Variants in LHFPL6 observed in about 807,000 individuals in gnomAD.
LHFPL6 encodes the protein LHFPL tetraspan subfamily member 6 protein.
Under a neutral mutation model 20.6 loss-of-function variants are expected in LHFPL6, and 9 were observed. That is an observed-to-expected ratio of 0.44 (90% CI 0.26 to 0.76). LHFPL6 has a LOEUF of 0.76. Among genes scored for constraint, LHFPL6 ranks in the 30% least tolerant of loss-of-function variants. The pLI is 0.20. For synonymous variants in LHFPL6, 105 were observed against 98.7 expected, an observed-to-expected ratio of 1.06 and a Z score of -0.38; for missense variants, 218 against 253.5, an observed-to-expected ratio of 0.86 and a Z score of 0.95.
intron 2 of LHFPL6, among the ~76,000 whole-genome samples, chr13:39,458,822 C>T (rs1872628452): frequency 6.6e-6 from 1 of 150,948 alleles, no homozygotes; most frequent in Non-Finnish European, 1.5e-5. Context: ...TGGATGGGAA[C>T]ATGAGACATG....
intron 2 of LHFPL6, among the ~76,000 whole-genome samples, chr13:39,397,188 T>C (rs929179078): frequency 6.6e-6 from 1 of 152,196 alleles, no homozygotes; most frequent in Non-Finnish European, 1.5e-5. Flanking sequence ...TTTCTTAATT[T>C]ACTAACTTCT....
chr13:39,585,345 T>C (rs1453286687), intron 2 of LHFPL6, among the ~76,000 whole-genome samples: 1 of 152,218 alleles, frequency 6.6e-6, no homozygotes, highest in African/African-American at 2.4e-5. Context: ...ATGGCAAATA[T>C]ATGAGAACTA....
chr13:39,541,653 T>G (rs1870802996), intron 2 of LHFPL6, among the ~76,000 whole-genome samples: 1 of 152,056 alleles, frequency 6.6e-6, no homozygotes, highest in Admixed American at 6.6e-5. Flanking sequence ...TCTGTTGGAG[T>G]ATTTAGCCCT....
intron 2 of LHFPL6, among the ~76,000 whole-genome samples, chr13:39,450,513 T>C (rs57594426): frequency 0.088 from 13,437 of 152,176 alleles, 1,185 homozygotes; most frequent in East Asian, 0.51. Context: ...GGTGTGTGGG[T>C]GTGAGATATC....
intron 2 of LHFPL6, among the ~76,000 whole-genome samples, chr13:39,457,441 C>T (rs1342046322): frequency 2.6e-5 from 4 of 152,282 alleles, no homozygotes; most frequent in South Asian, 2.1e-4. Context: ...CACTACACAC[C>T]TACTAGATTG....
chr13:39,460,927 T>C (rs1377809677), intron 2 of LHFPL6, among the ~76,000 whole-genome samples: 1 of 152,204 alleles, frequency 6.6e-6, no homozygotes, highest in Non-Finnish European at 1.5e-5. Context: ...CAGATTATTT[T>C]GTGACCCAGG....
At position 39,344,072 on chromosome 13, in the gene LHFPL6, G is replaced by C. The variant is rs778662918; in HGVS notation, c.485-18C>G. On this transcript the variant is annotated intron_variant, in intron 3 of 3. Transcript: ENST00000379589. Reference sequence around the variant, plus strand: ...ACACTTCCCTAAGGACAAAGGAAGGGGAAAGAAGAAAGTCACAGATGAGGA... The same window carrying C: ...ACACTTCCCTAAGGACAAAGGAAGGCGAAAGAAGAAAGTCACAGATGAGGA... The C allele has an allele frequency of 6.3e-7, 1 of 1,593,056 alleles. No homozygotes were observed. Among genetic ancestry groups the C allele is most frequent in the South Asian group, 1.1e-5 (1 of 89,722 alleles).
At chr13:39,496,868 G>C (rs1593336287) in intron 2 of LHFPL6, among the ~76,000 whole-genome samples, 1 of 152,180 alleles carries the variant, frequency 6.6e-6, no homozygotes, top group African/African-American at 2.4e-5. Flanking sequence ...GATACCCAGG[G>C]GTATAGCTCA....
At chr13:39,586,414 A>G (rs1872449603) in intron 2 of LHFPL6, among the ~76,000 whole-genome samples, 1 of 152,230 alleles carries the variant, frequency 6.6e-6, no homozygotes, top group South Asian at 2.1e-4. Flanking sequence ...GATAAACCAC[A>G]TCTACATACC....
rs192597375 is a variant in LHFPL6, at chr13:39,492,392, T to C, written c.385+108440A>G. Among the ~76,000 whole-genome samples the C allele has an allele frequency of 2.3e-3, 343 of 152,330 alleles. 4 individuals carry two copies. The highest frequency in any genetic ancestry group is 8.2e-4 in the Non-Finnish European group (56 of 68,030). On this transcript the variant is annotated intron_variant, in intron 2 of 3. Coordinates refer to ENST00000379589, the MANE Select transcript of LHFPL6 (RefSeq NM_005780.3). ...AAATAGCCAAAAGAATTTATACGAATGCTGGAACCTTAACATCAACATACA... is the reference window on the plus strand; with the variant it reads ...AAATAGCCAAAAGAATTTATACGAACGCTGGAACCTTAACATCAACATACA...
chr13:39,599,568 C>T (rs1872868761), intron 2 of LHFPL6, among the ~76,000 whole-genome samples: 1 of 152,078 alleles, frequency 6.6e-6, no homozygotes, highest in African/African-American at 2.4e-5. Flanking sequence ...AGGTGCAAAC[C>T]CAATGGGAAA....
At chr13:39,588,987 TA>T (rs538994921) in intron 2 of LHFPL6, among the ~76,000 whole-genome samples, 71 of 152,336 alleles carry the variant, frequency 4.7e-4, no homozygotes, top group African/African-American at 1.7e-3. Flanking sequence ...ATTTGATTAT[TA>T]AAAATCTGAG....
intron 2 of LHFPL6, among the ~76,000 whole-genome samples, chr13:39,516,142 C>T (rs772261110): frequency 5.3e-5 from 8 of 152,176 alleles, no homozygotes; most frequent in Non-Finnish European, 1.0e-4. Flanking sequence ...GATTTCTGTA[C>T]GCTTCACATT....
At chr13:39,435,347 C>T (rs1371980183) in intron 2 of LHFPL6, among the ~76,000 whole-genome samples, 3 of 151,962 alleles carry the variant, frequency 2.0e-5, no homozygotes, top group Non-Finnish European at 4.4e-5. Flanking sequence ...CCATTGTTGC[C>T]AATGGTAAAA....
chr13:39,543,826 T>C (rs756372488), intron 2 of LHFPL6, among the ~76,000 whole-genome samples: 1 of 152,226 alleles, frequency 6.6e-6, no homozygotes, highest in African/African-American at 2.4e-5. Flanking sequence ...TGTTCAGTTA[T>C]AAAATTGCAT....
chr13:39,394,892 G>C (rs535444409), intron 2 of LHFPL6, among the ~76,000 whole-genome samples: 1 of 152,162 alleles, frequency 6.6e-6, no homozygotes, highest in Non-Finnish European at 1.5e-5. Flanking sequence ...GCAGCACCAC[G>C]CTGTCACACA....
At chr13:39,593,144 A>G (rs576224590) in intron 2 of LHFPL6, among the ~76,000 whole-genome samples, 2 of 152,324 alleles carry the variant, frequency 1.3e-5, no homozygotes, top group African/African-American at 4.8e-5. Flanking sequence ...GGAGAAGGAA[A>G]TAAAGGGTAT....
chr13:39,454,400 C>A lies in LHFPL6; in HGVS notation c.386-75874G>T, dbSNP rs1465541959. Among the ~76,000 whole-genome samples, 3 of 32,994 alleles carry A rather than the reference C, an allele frequency of 9.1e-5. 1 individual carries two copies. Among genetic ancestry groups the A allele is most frequent in the African/African-American group, 8.6e-4 (3 of 3,508 alleles). The allele number at this position is 32,994 out of a possible 152,430, so 21.6% of individuals were successfully genotyped here. ...ATCCCAGCACTTTGGGAGGCCGAGG[C>A]GGGCGGATCATGAGGTCAGGAGATC... is the stretch of plus-strand genomic sequence containing the variant. On this transcript the variant is annotated intron_variant, in intron 2 of 3. Coordinates refer to ENST00000379589, the MANE Select transcript of LHFPL6 (RefSeq NM_005780.3).
intron 2 of LHFPL6, among the ~76,000 whole-genome samples, chr13:39,569,026 G>C (rs1293566369): frequency 1.3e-5 from 2 of 152,098 alleles, no homozygotes; most frequent in Admixed American, 1.3e-4. Flanking sequence ...GAAAATCCTA[G>C]CAGAATAAGA....
Sources: allele counts gnomAD v4.1 joint callset (sites outside exome capture counted in the v4.1 genomes callset), GRCh38; gene constraint gnomAD v4.1.1; transcripts MANE v1.5; gene names NCBI Gene and HGNC (gene_info 2026-07-23, HGNC 2026-07-21).